CPM: variants seen among roughly 807,000 people sequenced by gnomAD.
The protein encoded by CPM is carboxypeptidase M, also known as renal carboxypeptidase.
In CPM, 35 loss-of-function variants were observed where a neutral mutation model predicts 46.4. That is an observed-to-expected ratio of 0.75 (90% CI 0.58 to 1.00). The LOEUF is 1.00. Among genes scored for constraint, CPM ranks in the 50% least tolerant of loss-of-function variants. CPM has a pLI of 0.00. For synonymous variants in CPM, 195 were observed against 195.3 expected, an observed-to-expected ratio of 1.00 and a Z score of 0.01; for missense variants, 422 against 530.4, an observed-to-expected ratio of 0.80 and a Z score of 2.01.
intron 2 of CPM, among the ~76,000 whole-genome samples, chr12:68,917,682 G>C (rs143739361): frequency 0.017 from 2,526 of 152,294 alleles, 30 homozygotes; most frequent in Middle Eastern, 0.031. Flanking sequence ...GTGCCCTCAA[G>C]GCAGTGGTCA....
chr12:68,876,962 G>C (rs2136239745), intron 3 of CPM, among the ~76,000 whole-genome samples: 1 of 152,010 alleles, frequency 6.6e-6, no homozygotes, highest in East Asian at 1.9e-4. Context: ...CCTAACAATG[G>C]AATCTGTTTT....
intron 2 of CPM, among the ~76,000 whole-genome samples, chr12:68,917,594 C>G (rs1375279619): frequency 6.6e-6 from 1 of 152,224 alleles, no homozygotes; most frequent in Non-Finnish European, 1.5e-5. Flanking sequence ...GGAACACCTG[C>G]AGTCACAGCA....
At chr12:68,907,367 G>C (rs1414453550) in intron 2 of CPM, among the ~76,000 whole-genome samples, 1 of 151,350 alleles carries the variant, frequency 6.6e-6, no homozygotes, top group Admixed American at 6.6e-5. Context: ...ACTGCCTGTG[G>C]GACTATGGGC....
At chr12:68,872,738 ATTT>A (rs57880816) in intron 3 of CPM, among the ~76,000 whole-genome samples, 1 of 146,620 alleles carries the variant, frequency 6.8e-6, no homozygotes, top group Non-Finnish European at 1.5e-5. Flanking sequence ...CACATTGTAG[ATTT>A]TTTTTTTTTT....
At chr12:68,913,609 G>A (rs535833776) in intron 2 of CPM, among the ~76,000 whole-genome samples, 2 of 152,052 alleles carry the variant, frequency 1.3e-5, no homozygotes, top group Admixed American at 6.6e-5. Flanking sequence ...GTAGTTGATG[G>A]GGACTCAAGG....
At chr12:68,866,746 T>C (rs1009961576) in intron 7 of CPM, 150 bp downstream of exon 7, 5 of 670,650 alleles carry the variant, frequency 7.5e-6, no homozygotes, top group African/African-American at 1.8e-5. Flanking sequence ...CAGATACTCA[T>C]GCAGAGAGAA....
chr12:68,920,857 ATT>A (rs531190883), intron 2 of CPM, among the ~76,000 whole-genome samples: 3 of 138,516 alleles, frequency 2.2e-5, no homozygotes, highest in Admixed American at 7.2e-5. Flanking sequence ...TGCCTGGCTA[ATT>A]TTTTTTTTTT....
chr12:68,925,483 G>GA (rs1324286651), intron 2 of CPM, among the ~76,000 whole-genome samples: 2 of 152,064 alleles, frequency 1.3e-5, no homozygotes, highest in Non-Finnish European at 2.9e-5. Flanking sequence ...TCATAACAGC[G>GA]AAAGTTTAGA....
chr12:68,903,879 ATTCTTTCT>A lies in CPM; in HGVS notation c.161-17998_161-17991del, dbSNP rs59823463. 2.4e-4 allele frequency among the ~76,000 whole-genome samples: 33 copies of A among 140,044 alleles called. No homozygotes were observed. In the South Asian group the frequency reaches 4.9e-3, roughly 21 times the overall value. 91.9% of individuals were successfully genotyped at this position (140,044 alleles called of 152,430 possible). On this transcript the variant is annotated intron_variant, in intron 2 of 8. Coordinates refer to ENST00000551568, the MANE Select transcript of CPM (RefSeq NM_198320.5). ...CTTCTTCCCTCCCTCCCTTTCTCTCATTCTTTCTTTCTTTCTTTCTTTCTTTTGACTGG... is the reference window on the plus strand; with the variant it reads ...CTTCTTCCCTCCCTCCCTTTCTCTCATTCTTTCTTTCTTTCTTTTGACTGG...
At chr12:68,915,378 G>C (rs547444939) in intron 2 of CPM, among the ~76,000 whole-genome samples, 1 of 152,178 alleles carries the variant, frequency 6.6e-6, no homozygotes, top group East Asian at 1.9e-4. Context: ...TGGCATACAA[G>C]GCTTCTTGCA....
chr12:68,888,225 A>G (rs1281132949), intron 2 of CPM, among the ~76,000 whole-genome samples: 1 of 152,202 alleles, frequency 6.6e-6, no homozygotes, highest in African/African-American at 2.4e-5. Flanking sequence ...AAGCTGGCCT[A>G]TTACATAAAA....
In CPM at chr12:68,866,971, G is replaced by A. The variant is rs538250941; in HGVS notation, c.865C>T (p.Arg289Cys). The change falls in exon 7 of 9, where the codon CGT becomes TGT. Residue 289 changes from arginine (R) to cysteine (C), a missense_variant. Coordinates refer to ENST00000551568, the MANE Select transcript of CPM (RefSeq NM_198320.5). ...TLELSCCKYP[R>C]EEKLPSFWNN... ...CAAAAGGATGGAAGCTTCTCCTCAC[G>A]AGGATATTTACAGCATGACAGCTCC... 21 of 1,614,006 alleles carry A rather than the reference G, an allele frequency of 1.3e-5. No homozygotes were observed. The East Asian group carries it at 2.0e-4, about 15-fold the overall frequency.
chr12:68,883,372 C>T (rs1432040864), intron 3 of CPM, among the ~76,000 whole-genome samples: 4 of 152,140 alleles, frequency 2.6e-5, no homozygotes, highest in Admixed American at 6.5e-5. Context: ...CAGCTCCTAG[C>T]GGCATGGGGA....
intron 2 of CPM, among the ~76,000 whole-genome samples, chr12:68,892,045 A>G (rs1211374237): frequency 6.6e-6 from 1 of 152,096 alleles, no homozygotes; most frequent in African/African-American, 2.4e-5. Context: ...CTGGAAATCT[A>G]CGTTTTAATA....
At chr12:68,868,533 G>A (rs1144951) in intron 6 of CPM, among the ~76,000 whole-genome samples, 3,102 of 152,178 alleles carry the variant, frequency 0.02, 47 homozygotes, top group Middle Eastern at 0.037. Flanking sequence ...GTTCCAGTCC[G>A]TCTCTCCTCC....
At chr12:68,879,876 G>A (rs575102631) in intron 3 of CPM, among the ~76,000 whole-genome samples, 1 of 152,272 alleles carries the variant, frequency 6.6e-6, no homozygotes, top group Admixed American at 6.5e-5. Context: ...TCCACATTTA[G>A]GCTGAGGATG....
At chr12:68,920,216 C>A (rs974851069) in intron 2 of CPM, among the ~76,000 whole-genome samples, 1 of 152,178 alleles carries the variant, frequency 6.6e-6, no homozygotes, top group Admixed American at 6.5e-5. Context: ...GAACGCTTAG[C>A]CAATTAAACC....
chr12:68,940,444 C>T (rs527315906), intron 1 of CPM, among the ~76,000 whole-genome samples: 40 of 150,170 alleles, frequency 2.7e-4, no homozygotes, highest in Middle Eastern at 6.8e-3. Flanking sequence ...CTATTCATCC[C>T]TCTCTCCCTC....
At chr12:68,889,834 A>T (rs550868557) in intron 2 of CPM, among the ~76,000 whole-genome samples, 2 of 152,200 alleles carry the variant, frequency 1.3e-5, no homozygotes, top group Non-Finnish European at 2.9e-5. Flanking sequence ...TGTCAGCAAG[A>T]TAGCAGAAGC....
Sources: gnomAD v4.1 joint callset for allele counts (sites outside exome capture counted in the v4.1 genomes callset) on GRCh38, gnomAD v4.1.1 for gene constraint, MANE v1.5 for transcripts, NCBI Gene and HGNC (gene_info 2026-07-23, HGNC 2026-07-21) for gene names.